AUTS2: variants seen among roughly 807,000 people sequenced by gnomAD.
AUTS2 encodes the protein autism susceptibility gene 2 protein.
In AUTS2, 17 loss-of-function variants were observed where a neutral mutation model predicts 112.4. The observed-to-expected ratio is 0.15, with a 90% CI of 0.10 to 0.23. AUTS2 has a LOEUF of 0.23. AUTS2 is among the 10% of genes least tolerant of loss of function. The pLI is 1.00. For missense variants in AUTS2, 1,510 were observed against 1,701.6 expected (o/e 0.89, Z 1.98); for synonymous variants, 751 against 702.7 (o/e 1.07, Z -1.09).
At chr7:70,613,510 C>T (rs1349230741) in intron 5 of AUTS2, among the ~76,000 whole-genome samples, 2 of 152,118 alleles carry the variant, frequency 1.3e-5, no homozygotes, top group Non-Finnish European at 2.9e-5. Flanking sequence ...TCTCCCTCCT[C>T]CCAGGCTGGG....
At chr7:69,623,930 A>G (rs1167024304) in intron 1 of AUTS2, among the ~76,000 whole-genome samples, 2 of 152,210 alleles carry the variant, frequency 1.3e-5, no homozygotes, top group African/African-American at 4.8e-5. Context: ...TCAAATCCCA[A>G]GAAATTAGAG....
intron 5 of AUTS2, among the ~76,000 whole-genome samples, chr7:70,540,019 A>C (rs2129504539): frequency 6.6e-6 from 1 of 152,192 alleles, no homozygotes; most frequent in East Asian, 1.9e-4. Context: ...GTGGTGTTGA[A>C]GGTTTCTTTC....
At chr7:70,786,603 A>C (rs369458668) in intron 17 of AUTS2, among the ~76,000 whole-genome samples, 9 of 152,254 alleles carry the variant, frequency 5.9e-5, no homozygotes, top group African/African-American at 1.7e-4. Flanking sequence ...TCACGTTCTA[A>C]ACATTAGTGT....
intron 1 of AUTS2, among the ~76,000 whole-genome samples, chr7:69,836,132 C>T (rs1791712235): frequency 6.6e-6 from 1 of 152,236 alleles, no homozygotes; most frequent in African/African-American, 2.4e-5. Flanking sequence ...CACTTTTATA[C>T]ATCCACCCTT....
chr7:70,472,903 A>G (rs1048820918), intron 5 of AUTS2, among the ~76,000 whole-genome samples: 3 of 152,200 alleles, frequency 2.0e-5, no homozygotes, highest in Admixed American at 6.5e-5. Context: ...TTAAATTTCT[A>G]TCACCAGAAG....
rs1210232647 is a variant in AUTS2 at position 69,630,611 on chromosome 7, T to C, written c.309+30649T>C. 2.0e-5 allele frequency among the ~76,000 whole-genome samples: 3 copies of C among 152,386 alleles called. No individual in the cohort carries two copies. In the East Asian group the frequency reaches 5.8e-4, roughly 29 times the overall value. ...AGTTTGTCAGGCCCACTTGGAGCAG[T>C]TGAGACAACTTCCTTTCTCTGTTTT... On this transcript the variant is annotated intron_variant, in intron 1 of 18. Coordinates refer to ENST00000342771, the MANE Select transcript of AUTS2 (RefSeq NM_015570.4).
At chr7:69,829,229 A>G (rs934244975) in intron 1 of AUTS2, among the ~76,000 whole-genome samples, 3 of 152,214 alleles carry the variant, frequency 2.0e-5, no homozygotes, top group Non-Finnish European at 4.4e-5. Flanking sequence ...TACACTTTAT[A>G]TAAAAATTAA....
intron 1 of AUTS2, among the ~76,000 whole-genome samples, chr7:69,874,239 C>G (rs530978905): frequency 6.6e-6 from 1 of 151,790 alleles, no homozygotes; most frequent in South Asian, 2.1e-4. Context: ...AAAAAAAGAA[C>G]AAGAGACGTG....
intron 2 of AUTS2, among the ~76,000 whole-genome samples, chr7:69,919,557 G>A (rs765584066): frequency 4.6e-5 from 7 of 152,194 alleles, no homozygotes; most frequent in Non-Finnish European, 8.8e-5. Flanking sequence ...CTGTATGAAC[G>A]TGTATTTTGT....
intron 5 of AUTS2, among the ~76,000 whole-genome samples, chr7:70,563,412 T>C (rs552216220): frequency 6.6e-6 from 1 of 152,348 alleles, no homozygotes; most frequent in Non-Finnish European, 1.5e-5. Flanking sequence ...CCCAATTACA[T>C]GTGCCATTTC....
chr7:70,569,031 G>A (rs113491634), intron 5 of AUTS2, among the ~76,000 whole-genome samples: 354 of 152,290 alleles, frequency 2.3e-3, no homozygotes, highest in African/African-American at 7.9e-3. Flanking sequence ...TGTCTGAGCC[G>A]TGCTATCAGC....
In AUTS2 at chr7:70,579,244, TA is replaced by T. The variant is rs10611601; in HGVS notation, c.691-119307del. On this transcript the variant is annotated intron_variant, in intron 5 of 18. Transcript: ENST00000342771. ...ATGCCCAGCCTTATATTCTCTTTTC[TA>T]AAAAAAAAAAAAAAAAAGATGAAGG... 2.8e-3 allele frequency among the ~76,000 whole-genome samples: 156 copies of T among 55,896 alleles called. 16 individuals carry two copies. Among genetic ancestry groups the T allele is most frequent in the Admixed American group, 0.012 (50 of 4,270 alleles). 36.7% of individuals were successfully genotyped at this position (55,896 alleles called of 152,430 possible).
chr7:69,856,075 T>G (rs868694950), intron 1 of AUTS2, among the ~76,000 whole-genome samples: 1 of 152,222 alleles, frequency 6.6e-6, no homozygotes, highest in Non-Finnish European at 1.5e-5. Flanking sequence ...ATATTGCAGG[T>G]TGTTTGTGCC....
At chr7:70,107,927 C>T (rs967184102) in intron 2 of AUTS2, among the ~76,000 whole-genome samples, 2 of 151,380 alleles carry the variant, frequency 1.3e-5, no homozygotes, top group African/African-American at 4.9e-5. Flanking sequence ...AGGAGAATGG[C>T]GTGAACCCAG....
At chr7:70,025,937 T>C (rs1197506424) in intron 2 of AUTS2, among the ~76,000 whole-genome samples, 1 of 152,094 alleles carries the variant, frequency 6.6e-6, no homozygotes, top group Non-Finnish European at 1.5e-5. Flanking sequence ...TAAAAGACTA[T>C]CCTAAGAAGA....
intron 4 of AUTS2, among the ~76,000 whole-genome samples, chr7:70,207,323 G>A (rs1478921876): frequency 1.3e-5 from 2 of 152,028 alleles, no homozygotes; most frequent in African/African-American, 4.8e-5. Context: ...AGAATCCTTT[G>A]GATATATAGA....
At chr7:69,996,442 T>C (rs1798944831) in intron 2 of AUTS2, among the ~76,000 whole-genome samples, 1 of 152,164 alleles carries the variant, frequency 6.6e-6, no homozygotes, top group Non-Finnish European at 1.5e-5. Context: ...GGAGCATTGA[T>C]TGAGATCATG....
chr7:69,639,304 G>A (rs1477686339), intron 1 of AUTS2, among the ~76,000 whole-genome samples: 2 of 152,172 alleles, frequency 1.3e-5, no homozygotes, highest in Admixed American at 6.5e-5. Context: ...AGCAGATCTC[G>A]ATTCAAACAG....
At chr7:69,947,675 T>C (rs767196672) in intron 2 of AUTS2, among the ~76,000 whole-genome samples, 17 of 152,334 alleles carry the variant, frequency 1.1e-4, no homozygotes, top group East Asian at 5.8e-4. Flanking sequence ...ATCAAAACTT[T>C]CGCTGGTTGC....
Sources: allele counts gnomAD v4.1 joint callset (sites outside exome capture counted in the v4.1 genomes callset), GRCh38; gene constraint gnomAD v4.1.1; transcripts MANE v1.5; gene names NCBI Gene and HGNC (gene_info 2026-07-23, HGNC 2026-07-21).